Variants in LRRC14 observed in about 807,000 individuals in gnomAD.
LRRC14 encodes leucine-rich repeat-containing protein 14.
A neutral mutation model predicts 25.3 loss-of-function variants in LRRC14; 16 were observed. The ratio of observed to expected loss-of-function variants is 0.63; its 90% CI spans 0.43 to 0.96. The LOEUF (loss-of-function observed/expected upper bound fraction) is 0.96. LRRC14 is among the 40% of genes least tolerant of loss of function. The pLI, the probability that LRRC14 is intolerant of heterozygous loss-of-function variation, is 0.00. For missense variants in LRRC14, 594 were observed against 660.5 expected, an observed-to-expected ratio of 0.90 and a Z score of 1.10; for synonymous variants, 359 against 295.1, an observed-to-expected ratio of 1.22 and a Z score of -2.22.
rs1299920911 is a variant in LRRC14, at chr8:144,520,772, G to A, written c.864G>A (p.Glu288=). 1 of 1,598,644 alleles carries A rather than the reference G, an allele frequency of 6.3e-7. No homozygotes were observed. The highest frequency in any genetic ancestry group is 2.2e-5 in the East Asian group (1 of 44,882). The part of the protein sequence containing the change: ...AQMGRFTCLR[E]LSMGSSLLSG... ...TGGGCCGCTTCACCTGTCTGCGTGA[G>A]CTCAGCATGGGCTCCTCTCTCCTTT... is the stretch of plus-strand genomic sequence containing the variant. The change falls in exon 3 of 4, where the codon GAG becomes GAA. Residue 288 remains glutamate, a synonymous_variant. Coordinates refer to ENST00000292524, the MANE Select transcript of LRRC14 (RefSeq NM_014665.4).
rs1476513662 is a variant in LRRC14, at chr8:144,524,750, C to G, written c.*3272C>G. The G allele has an allele frequency of 6.9e-7, 1 of 1,439,598 alleles. No homozygotes were observed. The highest frequency in any genetic ancestry group is 2.8e-5 in the Admixed American group (1 of 35,654). 89.2% of individuals were successfully genotyped at this position (1,439,598 alleles called of 1,614,324 possible). A position where few individuals can be genotyped will look rare whatever the true frequency, so the allele number is the denominator to read the frequency against. Reference sequence around the variant, plus strand: ...GGCCGGGGAAAGAGGAGGCGCTTACCCCGTTGCGGGGGTCTTCCTCTCCCT... The same window carrying G: ...GGCCGGGGAAAGAGGAGGCGCTTACGCCGTTGCGGGGGTCTTCCTCTCCCT... On this transcript the variant is annotated 3_prime_UTR_variant, in exon 4 of 4. Transcript: ENST00000292524.
rs765701739 is a variant in LRRC14 at position 144,520,983 on chromosome 8, G to A, written c.987G>A (p.Leu329=). The change falls in exon 4 of 4, where the codon CTG becomes CTA. Residue 329 remains leucine (L), a synonymous_variant. Transcript: ENST00000292524. The part of the protein sequence containing the change: ...CALLPEDLRF[L]ARSPHAAHLK... ...TGCTGCCTGAGGACCTACGCTTCCTGGCACGGAGCCCACATGCTGCCCACC... is the reference window on the plus strand; with the variant it reads ...TGCTGCCTGAGGACCTACGCTTCCTAGCACGGAGCCCACATGCTGCCCACC... 1.2e-6 allele frequency: 2 copies of A among 1,613,180 alleles called. No homozygotes were observed. Among genetic ancestry groups the A allele is most frequent in the East Asian group, 4.5e-5 (2 of 44,888 alleles).
rs548697837 is a variant in LRRC14, at chr8:144,520,484, G to A, written c.576G>A (p.Pro192=). 7 of 1,598,116 alleles carry A rather than the reference G, an allele frequency of 4.4e-6. No homozygotes were observed. In the African/African-American group the frequency reaches 6.7e-5, roughly 15 times the overall value. Residue 192 remains proline (P), a synonymous_variant, in exon 3 of 4, where the codon CCG becomes CCA. Coordinates refer to ENST00000292524, the MANE Select transcript of LRRC14 (RefSeq NM_014665.4). ...REALRSSVGS[P]LRLCCRDLRA... Reference sequence around the variant, plus strand: ...CACTCCGAAGCAGCGTGGGCAGCCCGCTGCGGCTCTGCTGCCGGGACCTGC... The same window carrying A: ...CACTCCGAAGCAGCGTGGGCAGCCCACTGCGGCTCTGCTGCCGGGACCTGC...
chr8:144,522,647 G>C lies in LRRC14; in HGVS notation c.*1169G>C. The C allele has an allele frequency of 6.3e-7, 1 of 1,586,580 alleles. No homozygotes were observed. Among genetic ancestry groups the C allele is most frequent in the Non-Finnish European group, 8.6e-7 (1 of 1,168,484 alleles). On this transcript the variant is annotated 3_prime_UTR_variant, in exon 4 of 4. Transcript: ENST00000292524. ...CTCGTCGCGGAGCTCCTCTAGCTGT[G>C]CGAACGTACAGGGGCCGTCCAAGTA... is the stretch of plus-strand genomic sequence containing the variant.
Position 144,522,151 on chromosome 8 carries a change from C to G in LRRC14, c.*673C>G, listed in dbSNP as rs1256718151. On this transcript the variant is annotated 3_prime_UTR_variant, in exon 4 of 4. Transcript: ENST00000292524. ...CGCCCCGCCCTTCGCGGGGCAGCCC[C>G]GTCGGCACTGCCGGCCAGTCCTTGC... The G allele has an allele frequency of 6.1e-6, 2 of 330,314 alleles. No homozygotes were observed. The highest frequency in any genetic ancestry group is 2.1e-4 in the South Asian group (2 of 9,568). 20.5% of individuals were successfully genotyped at this position (330,314 alleles called of 1,614,324 possible). A position where few individuals can be genotyped will look rare whatever the true frequency, so the allele number is the denominator to read the frequency against.
rs1199327851 is a variant in LRRC14, at chr8:144,524,137, C to T, written c.*2659C>T. Reference sequence around the variant, plus strand: ...GTGAGGCGCAGGACTTGCAGACTGGCCAGGGGCTGCAGGGCCTCTCGGCTG... The same window carrying T: ...GTGAGGCGCAGGACTTGCAGACTGGTCAGGGGCTGCAGGGCCTCTCGGCTG... On this transcript the variant is annotated 3_prime_UTR_variant, in exon 4 of 4. Transcript: ENST00000292524. 1.2e-6 allele frequency: 2 copies of T among 1,606,944 alleles called. No homozygotes were observed. The highest frequency in any genetic ancestry group is 3.3e-5 in the Admixed American group (2 of 59,884).
Position 144,522,878 on chromosome 8 carries a change from G to T in LRRC14, c.*1400G>T, listed in dbSNP as rs1000361671. On this transcript the variant is annotated 3_prime_UTR_variant, in exon 4 of 4. Transcript: ENST00000292524. ...CCGGGGCTCGCTGCCGGCGGGGCGGGCGGCCGGAGGCGGCGGTTGCGCGGG... is the reference window on the plus strand; with the variant it reads ...CCGGGGCTCGCTGCCGGCGGGGCGGTCGGCCGGAGGCGGCGGTTGCGCGGG... 6.6e-5 allele frequency: 83 copies of T among 1,264,502 alleles called. No homozygotes were observed. The highest frequency in any genetic ancestry group is 8.1e-5 in the Non-Finnish European group (82 of 1,011,762). The allele number at this position is 1,264,502 out of a possible 1,614,324, so 78.3% of individuals were successfully genotyped here. A position where few individuals can be genotyped will look rare whatever the true frequency, so the allele number is the denominator to read the frequency against.
In LRRC14 at chr8:144,522,684, ACAG is replaced by A; in HGVS notation, c.*1208_*1210del. On this transcript the variant is annotated 3_prime_UTR_variant, in exon 4 of 4. Coordinates refer to ENST00000292524, the MANE Select transcript of LRRC14 (RefSeq NM_014665.4). ...GGGCCGTCCAAGTAGTCGTTGACGAACAGCGCTCCCTCCCCCGGAGGCCCCCGC... is the reference window on the plus strand; with the variant it reads ...GGGCCGTCCAAGTAGTCGTTGACGAACGCTCCCTCCCCCGGAGGCCCCCGC... 6.3e-7 allele frequency: 1 copy of A among 1,596,832 alleles called. No homozygotes were observed. The highest frequency in any genetic ancestry group is 1.4e-5 in the African/African-American group (1 of 73,800).
rs573124395 is a variant in LRRC14 at position 144,524,968 on chromosome 8, G to A, written c.*3490G>A. On this transcript the variant is annotated 3_prime_UTR_variant, in exon 4 of 4. Coordinates refer to ENST00000292524, the MANE Select transcript of LRRC14 (RefSeq NM_014665.4). ...AGCGGCAGCAGTGCGGGGGCCCTCAGGGCCATCTCCCGAGGCCCGGTTCCT... is the reference window on the plus strand; with the variant it reads ...AGCGGCAGCAGTGCGGGGGCCCTCAAGGCCATCTCCCGAGGCCCGGTTCCT... 76 of 1,467,166 alleles carry A rather than the reference G, an allele frequency of 5.2e-5. No homozygotes were observed. In the South Asian group the frequency reaches 9.2e-4, roughly 18 times the overall value. 90.9% of individuals were successfully genotyped at this position (1,467,166 alleles called of 1,614,324 possible).
chr8:144,523,453 A>G lies in LRRC14; in HGVS notation c.*1975A>G, dbSNP rs770268119. On this transcript the variant is annotated 3_prime_UTR_variant, in exon 4 of 4. Coordinates refer to ENST00000292524, the MANE Select transcript of LRRC14 (RefSeq NM_014665.4). ...AGGCAGGTGGCTTGAGGGTGCTGCT[A>G]AAACAGCCTGTGCAGTTGGGGTTTT... 6 of 1,501,094 alleles carry G rather than the reference A, an allele frequency of 4.0e-6. No individual in the cohort carries two copies. The South Asian group carries it at 5.4e-5, about 13-fold the overall frequency. The allele number at this position is 1,501,094 out of a possible 1,614,324, so 93.0% of individuals were successfully genotyped here.
chr8:144,520,658 G>A lies in LRRC14; in HGVS notation c.750G>A (p.Leu250=). The A allele has an allele frequency of 6.2e-7, 1 of 1,601,698 alleles. No individual in the cohort carries two copies. Residue 250 remains leucine, a synonymous_variant, in exon 3 of 4, where the codon CTG becomes CTA. Coordinates refer to ENST00000292524, the MANE Select transcript of LRRC14 (RefSeq NM_014665.4). The stretch of plus-strand genomic sequence containing the variant: ...CACACGTGGCCCGCTTCCAGCACCT[G>A]GCCAGCCTGCGGCTCCACTATGTGC... ...IIPHVARFQH[L]ASLRLHYVHG... is the part of the protein sequence containing the mutation.
rs1193908883 is a variant in LRRC14, at chr8:144,521,248, G to A, written c.1252G>A (p.Val418Met). 1.2e-6 allele frequency: 2 copies of A among 1,613,266 alleles called. No individual in the cohort carries two copies. The highest frequency in any genetic ancestry group is 1.7e-6 in the Non-Finnish European group (2 of 1,180,028). Residue 418 changes from valine (V) to methionine (M), a missense_variant, in exon 4 of 4, where the codon GTG (valine) becomes ATG (methionine). By Grantham distance (21) the Val-to-Met change is conservative. Transcript: ENST00000292524. ...CCTCAAGGAGCTGCTGCGGGACTCA[G>A]TGGCACAGGCTGAGCTGCGTACTGT... ...AGLKELLRDSVAQAELRTVVH... is the reference protein window; with the variant it reads ...AGLKELLRDSMAQAELRTVVH...
At position 144,522,201 on chromosome 8, in the gene LRRC14, G is replaced by A. The variant is rs1009213056; in HGVS notation, c.*723G>A. ...CTCTTCCCACCTTTCGGAGGCCCAA[G>A]ATCCTACTGTGGCCGGCCAGGGCCA... On this transcript the variant is annotated 3_prime_UTR_variant, in exon 4 of 4. Transcript: ENST00000292524. The A allele has an allele frequency of 2.4e-5, 10 of 418,602 alleles. No individual in the cohort carries two copies. The highest frequency in any genetic ancestry group is 4.6e-5 in the Admixed American group (1 of 21,908). The allele number at this position is 418,602 out of a possible 1,614,324, so 25.9% of individuals were successfully genotyped here.
In LRRC14 at chr8:144,523,058, T is replaced by G. The variant is rs769652006; in HGVS notation, c.*1580T>G. 6.2e-7 allele frequency: 1 copy of G among 1,604,336 alleles called. No homozygotes were observed. The highest frequency in any genetic ancestry group is 8.5e-7 in the Non-Finnish European group (1 of 1,177,246). The stretch of plus-strand genomic sequence containing the variant: ...GCCGCTGCCCGTGTCGGATGCCGAG[T>G]GTCCGCCCAGGCCCAGCAACCCGCC... On this transcript the variant is annotated 3_prime_UTR_variant, in exon 4 of 4. Transcript: ENST00000292524.
rs1035744459 is a variant in LRRC14 at position 144,521,691 on chromosome 8, C to T, written c.*213C>T. On this transcript the variant is annotated 3_prime_UTR_variant, in exon 4 of 4. Transcript: ENST00000292524. ...ACTTGCTCCATAATTGGCTGATCAT[C>T]TGTGGGCCCCGGGGCTGGATGTCAG... is the stretch of plus-strand genomic sequence containing the variant. 4.3e-5 allele frequency: 25 copies of T among 584,900 alleles called. No homozygotes were observed. Among genetic ancestry groups the T allele is most frequent in the African/African-American group, 3.3e-4 (18 of 53,832 alleles). 36.2% of individuals were successfully genotyped at this position (584,900 alleles called of 1,614,324 possible). A position where few individuals can be genotyped will look rare whatever the true frequency, so the allele number is the denominator to read the frequency against.
At position 144,521,994 on chromosome 8, in the gene LRRC14, C is replaced by A. The variant is rs377583554; in HGVS notation, c.*516C>A. ...GGGCTGGGCTCGGGCTGGAGGGGGTCATCAAGGTACACATGTGCCTGGAAG... is the reference window on the plus strand; with the variant it reads ...GGGCTGGGCTCGGGCTGGAGGGGGTAATCAAGGTACACATGTGCCTGGAAG... On this transcript the variant is annotated 3_prime_UTR_variant, in exon 4 of 4. Coordinates refer to ENST00000292524, the MANE Select transcript of LRRC14 (RefSeq NM_014665.4). 253 of 174,948 alleles carry A rather than the reference C, an allele frequency of 1.4e-3. 1 individual carries two copies. Among genetic ancestry groups the A allele is most frequent in the African/African-American group, 5.7e-3 (240 of 42,218 alleles). The allele number at this position is 174,948 out of a possible 1,614,324, so 10.8% of individuals were successfully genotyped here.
intron 1 of LRRC14, among the ~76,000 whole-genome samples, chr8:144,519,024 C>T (rs1157807614): frequency 6.6e-6 from 1 of 152,182 alleles, no homozygotes; most frequent in Admixed American, 6.5e-5. Flanking sequence ...TGCTTTCTTT[C>T]GGGGTCTCCG....
At position 144,523,768 on chromosome 8, in the gene LRRC14, C is replaced by G; in HGVS notation, c.*2290C>G. 1 of 415,778 alleles carries G rather than the reference C, an allele frequency of 2.4e-6. No individual in the cohort carries two copies. The highest frequency in any genetic ancestry group is 5.3e-5 in the South Asian group (1 of 18,826). 25.8% of individuals were successfully genotyped at this position (415,778 alleles called of 1,614,324 possible). A position where few individuals can be genotyped will look rare whatever the true frequency, so the allele number is the denominator to read the frequency against. On this transcript the variant is annotated 3_prime_UTR_variant, in exon 4 of 4. Coordinates refer to ENST00000292524, the MANE Select transcript of LRRC14 (RefSeq NM_014665.4). ...CTGAAACCTCACAAGTCCTCTCAGCCTTGCCTTTGGATGCCCTCTCTTGGG... is the reference window on the plus strand; with the variant it reads ...CTGAAACCTCACAAGTCCTCTCAGCGTTGCCTTTGGATGCCCTCTCTTGGG...
rs1045126686 is a variant in LRRC14 at position 144,523,042 on chromosome 8, C to G, written c.*1564C>G. 3.1e-6 allele frequency: 5 copies of G among 1,602,400 alleles called. No homozygotes were observed. Among genetic ancestry groups the G allele is most frequent in the Non-Finnish European group, 3.4e-6 (4 of 1,176,326 alleles). ...TGCTGAGGAAGAGCATGCCGCTGCC[C>G]GTGTCGGATGCCGAGTGTCCGCCCA... On this transcript the variant is annotated 3_prime_UTR_variant, in exon 4 of 4. Transcript: ENST00000292524.
Sources: allele counts gnomAD v4.1 joint callset (sites outside exome capture counted in the v4.1 genomes callset), GRCh38; gene constraint gnomAD v4.1.1; transcripts MANE v1.5; gene names NCBI Gene and HGNC (gene_info 2026-07-23, HGNC 2026-07-21).